Variants in ERG28 observed in about 807,000 individuals in gnomAD.
The protein encoded by ERG28 is ergosterol biosynthesis 28 homolog, also known as ergosterol biosynthetic protein 28 homolog.
A neutral mutation model predicts 15.7 loss-of-function variants in ERG28; 9 were observed. The ratio of observed to expected loss-of-function variants is 0.57; its 90% CI spans 0.35 to 1.00. The LOEUF is 1.00. ERG28 is among the 50% of genes least tolerant of loss of function. ERG28 has a pLI of 0.02. For synonymous variants in ERG28, 61 were observed against 68.4 expected (o/e 0.89, Z 0.53); for missense variants, 117 against 173.3 (o/e 0.68, Z 1.82).
intron 3 of ERG28, among the ~76,000 whole-genome samples, chr14:75,652,224 C>T (rs1210522382): frequency 6.6e-6 from 1 of 152,180 alleles, no homozygotes; most frequent in African/African-American, 2.4e-5. Context: ...ATCCAGCACG[C>T]TTACATATTC....
intron 2 of ERG28, 24 bp downstream of exon 2, chr14:75,657,346 T>G (rs1890612059): frequency 2.5e-6 from 4 of 1,613,612 alleles, no homozygotes; most frequent in Non-Finnish European, 2.5e-6. Flanking sequence ...CTATAAAGGA[T>G]GCAGAAATTC....
rs552328854 is a variant in ERG28, at chr14:75,660,525, C to T, written c.-32+250G>A. ...AATTATATGACAAAAAGTGAAGGCT[C>T]TTTGTACAGTGCTAGGCTCATAGTG... On this transcript the variant is annotated intron_variant, in intron 1 of 4. Coordinates refer to ENST00000256319, the MANE Select transcript of ERG28 (RefSeq NM_007176.4). Among the ~76,000 whole-genome samples the T allele has an allele frequency of 3.3e-5, 5 of 152,326 alleles. No homozygotes were observed. In the East Asian group the frequency reaches 7.7e-4, roughly 23 times the overall value.
At chr14:75,658,967 C>T (rs994370855) in intron 1 of ERG28, among the ~76,000 whole-genome samples, 11 of 151,964 alleles carry the variant, frequency 7.2e-5, no homozygotes, top group Non-Finnish European at 1.2e-4. Context: ...AATTATATAG[C>T]GAAGGAAACA....
chr14:75,654,982 T>C lies in ERG28; in HGVS notation c.134-6A>G. The C allele has an allele frequency of 6.2e-7, 1 of 1,612,958 alleles. No individual in the cohort carries two copies. Among genetic ancestry groups the C allele is most frequent in the South Asian group, 1.1e-5 (1 of 91,058 alleles). The stretch of plus-strand genomic sequence containing the variant: ...CCGAGCTTGGAGGCCATTCACTGTG[T>C]AGCAGAAAAAAGCAAGAGTGTTCAG... On this transcript the variant is annotated splice_region_variant and splice_polypyrimidine_tract_variant and intron_variant, in intron 2 of 4. Coordinates refer to ENST00000256319, the MANE Select transcript of ERG28 (RefSeq NM_007176.4).
intron 4 of ERG28, 23 bp from the exon 5 acceptor site, chr14:75,651,657 G>C (rs1890527845): frequency 1.9e-6 from 3 of 1,606,362 alleles, no homozygotes; most frequent in Admixed American, 3.3e-5. Flanking sequence ...GGAAAGACTA[G>C]TGACTAACAT....
At position 75,651,550 on chromosome 14, in the gene ERG28, T is replaced by C. The variant is rs1942973809; in HGVS notation, c.*5A>G. The C allele has an allele frequency of 3.1e-6, 5 of 1,605,918 alleles. No homozygotes were observed. In the South Asian group the frequency reaches 5.5e-5, roughly 18 times the overall value. ...GAGAAAGTCCTGGAGGTGATAATGCTGGCCTCAGTTTCTCTTCTTCTGTCT... is the reference window on the plus strand; with the variant it reads ...GAGAAAGTCCTGGAGGTGATAATGCCGGCCTCAGTTTCTCTTCTTCTGTCT... On this transcript the variant is annotated 3_prime_UTR_variant, in exon 5 of 5. Coordinates refer to ENST00000256319, the MANE Select transcript of ERG28 (RefSeq NM_007176.4).
intron 3 of ERG28, among the ~76,000 whole-genome samples, chr14:75,654,396 C>CAG (rs1190245646): frequency 6.6e-6 from 1 of 152,196 alleles, no homozygotes; most frequent in African/African-American, 2.4e-5. Flanking sequence ...GTACCCAAGA[C>CAG]AGGTAGATTC....
intron 1 of ERG28, among the ~76,000 whole-genome samples, chr14:75,657,833 A>G (rs916885108): frequency 1.3e-5 from 2 of 152,192 alleles, no homozygotes; most frequent in African/African-American, 2.4e-5. Context: ...AAAGGCGATT[A>G]TAACTATACT....
chr14:75,656,252 T>C (rs529386118), intron 2 of ERG28, among the ~76,000 whole-genome samples: 1 of 148,798 alleles, frequency 6.7e-6, no homozygotes, highest in East Asian at 2.0e-4. Flanking sequence ...ACAAGGGAGA[T>C]GGCAGCCTCA....
At position 75,651,144 on chromosome 14, in the gene ERG28, A is replaced by T; in HGVS notation, c.*411T>A. 6.1e-6 allele frequency: 1 copy of T among 164,322 alleles called. No homozygotes were observed. Among genetic ancestry groups the T allele is most frequent in the Non-Finnish European group, 1.3e-5 (1 of 74,140 alleles). 10.2% of individuals were successfully genotyped at this position (164,322 alleles called of 1,614,324 possible). A position where few individuals can be genotyped will look rare whatever the true frequency, so the allele number is the denominator to read the frequency against. On this transcript the variant is annotated 3_prime_UTR_variant, in exon 5 of 5. Transcript: ENST00000256319. ...CAACCCCTTGAGGCAGCCCTTGGTC[A>T]CAGCTGCTCTGGGTGGGCAGCAGGT... is the stretch of plus-strand genomic sequence containing the variant.
At chr14:75,654,175 T>C (rs1490138222) in intron 3 of ERG28, among the ~76,000 whole-genome samples, 2 of 152,362 alleles carry the variant, frequency 1.3e-5, no homozygotes, top group African/African-American at 2.4e-5. Context: ...CGCCTCCTGT[T>C]TTCCCCAGAT....
chr14:75,652,183 T>C (rs1432066292), intron 3 of ERG28, among the ~76,000 whole-genome samples: 1 of 152,234 alleles, frequency 6.6e-6, no homozygotes, highest in Non-Finnish European at 1.5e-5. Context: ...GCCTGAATGA[T>C]GACAATCGCA....
intron 2 of ERG28, among the ~76,000 whole-genome samples, chr14:75,656,321 CACAT>C (rs1288210982): frequency 1.0e-4 from 14 of 140,538 alleles, no homozygotes; most frequent in South Asian, 2.4e-4. Context: ...CACACACACA[CACAT>C]AAAGTTCTGC....
intron 1 of ERG28, among the ~76,000 whole-genome samples, chr14:75,659,037 G>T (rs545454990): frequency 6.6e-6 from 1 of 152,186 alleles, no homozygotes; most frequent in Non-Finnish European, 1.5e-5. Flanking sequence ...CACTTACACC[G>T]TGAACTGTGC....
Position 75,651,758 on chromosome 14 carries a change from G to T in ERG28, c.343+13C>A. The T allele has an allele frequency of 6.2e-7, 1 of 1,606,118 alleles. No homozygotes were observed. On this transcript the variant is annotated intron_variant, in intron 4 of 4. Transcript: ENST00000256319. Reference sequence around the variant, plus strand: ...CAGCTCCTGTAGGAGGTCTAGGGTGGTTGGATGCTTACTTGCCACCATCAG... The same window carrying T: ...CAGCTCCTGTAGGAGGTCTAGGGTGTTTGGATGCTTACTTGCCACCATCAG...
At chr14:75,652,253 G>A (rs1890535549) in intron 3 of ERG28, among the ~76,000 whole-genome samples, 1 of 152,234 alleles carries the variant, frequency 6.6e-6, no homozygotes, top group Non-Finnish European at 1.5e-5. Flanking sequence ...CAAATTGGTT[G>A]ACTCTGCAGT....
At chr14:75,652,731 C>T (rs1419028206) in intron 3 of ERG28, among the ~76,000 whole-genome samples, 1 of 151,852 alleles carries the variant, frequency 6.6e-6, no homozygotes, top group Non-Finnish European at 1.5e-5. Flanking sequence ...GTATACTTAT[C>T]CTGCTCTAAG....
In ERG28 at chr14:75,651,379, C is replaced by T. The variant is rs1890523762; in HGVS notation, c.*176G>A. 1 of 538,446 alleles carries T rather than the reference C, an allele frequency of 1.9e-6. No homozygotes were observed. The highest frequency in any genetic ancestry group is 1.9e-5 in the African/African-American group (1 of 53,042). The allele number at this position is 538,446 out of a possible 1,614,324, so 33.4% of individuals were successfully genotyped here. On this transcript the variant is annotated 3_prime_UTR_variant, in exon 5 of 5. Transcript: ENST00000256319. ...AAAATTATTCTTTAAATTGTACGTA[C>T]ATGTTATATACTTTTCAGTATGCAT... is the stretch of plus-strand genomic sequence containing the variant.
chr14:75,652,860 G>A (rs1445616605), intron 3 of ERG28, among the ~76,000 whole-genome samples: 2 of 114,346 alleles, frequency 1.7e-5, no homozygotes, highest in African/African-American at 3.6e-5. Context: ...CTCTTGCTCT[G>A]TCTCTCAGGC....
Sources: allele counts gnomAD v4.1 joint callset (sites outside exome capture counted in the v4.1 genomes callset), GRCh38; gene constraint gnomAD v4.1.1; transcripts MANE v1.5; gene names NCBI Gene and HGNC (gene_info 2026-07-23, HGNC 2026-07-21).